The following CPNE4 variants were observed in gnomAD, a reference collection of about 807,000 sequenced individuals.
CPNE4 encodes copine-4.
CPNE4 carries 25 observed loss-of-function variants against 67.9 expected under a neutral mutation model. The observed-to-expected ratio is 0.37, with a 90% CI of 0.27 to 0.51. The LOEUF is 0.51. CPNE4 is among the 20% of genes least tolerant of loss of function. The pLI, the probability that CPNE4 is intolerant of heterozygous loss-of-function variation, is 0.93. For synonymous variants in CPNE4, 242 were observed against 244.9 expected (o/e 0.99, Z 0.11); for missense variants, 464 against 690.8 (o/e 0.67, Z 3.68).
chr3:131,999,733 T>C (rs1347779779), intron 1 of CPNE4, among the ~76,000 whole-genome samples: 3 of 151,972 alleles, frequency 2.0e-5, no homozygotes, highest in Non-Finnish European at 4.4e-5. Flanking sequence ...GTTTAAAGGA[T>C]TACTGTAAAA....
intron 1 of CPNE4, among the ~76,000 whole-genome samples, chr3:131,976,123 C>T (rs183606046): frequency 3.4e-4 from 49 of 143,052 alleles, no homozygotes; most frequent in Middle Eastern, 3.8e-3. Flanking sequence ...ATTCTTTTCT[C>T]CCTCCCTCAA....
At chr3:131,738,818 A>G (rs770234188) in intron 2 of CPNE4, among the ~76,000 whole-genome samples, 4 of 151,614 alleles carry the variant, frequency 2.6e-5, no homozygotes, top group African/African-American at 7.3e-5. Flanking sequence ...CAAACAAAAC[A>G]TAATATGTAC....
intron 2 of CPNE4, among the ~76,000 whole-genome samples, chr3:131,793,720 G>T (rs1293570987): frequency 1.3e-5 from 2 of 152,220 alleles, no homozygotes; most frequent in African/African-American, 2.4e-5. Context: ...TGGCACATTG[G>T]CTGGCTCCTT....
intron 7 of CPNE4, among the ~76,000 whole-genome samples, chr3:131,646,182 A>G (rs1259089558): frequency 6.6e-6 from 1 of 152,198 alleles, no homozygotes; most frequent in Non-Finnish European, 1.5e-5. Flanking sequence ...CTTTTAAAAC[A>G]TACAATGTAC....
At chr3:131,924,363 C>T (rs1316565584) in intron 1 of CPNE4, among the ~76,000 whole-genome samples, 1 of 152,164 alleles carries the variant, frequency 6.6e-6, no homozygotes, top group Non-Finnish European at 1.5e-5. Flanking sequence ...AGCTCAAGCA[C>T]TTCACCAAAT....
At chr3:131,662,033 G>C (rs976169914) in intron 7 of CPNE4, among the ~76,000 whole-genome samples, 20 of 152,100 alleles carry the variant, frequency 1.3e-4, no homozygotes, top group Non-Finnish European at 2.6e-4. Flanking sequence ...GTTGGAACTT[G>C]TCTTTTCCTT....
chr3:131,535,277 A>G lies in CPNE4; in HGVS notation c.1592T>C (p.Val531Ala). Reference sequence around the variant, plus strand: ...TCCTTTGCCATTGTAATAGTCCACAACTTGGTTTGGGACTTCAGCCAGCAC... The same window carrying G: ...TCCTTTGCCATTGTAATAGTCCACAGCTTGGTTTGGGACTTCAGCCAGCAC... ...KSVLAEVPNQVVDYYNGKGIK... is the reference protein window; with the variant it reads ...KSVLAEVPNQAVDYYNGKGIK... The change falls in exon 16 of 16, where the codon GTT (valine) becomes GCT (alanine). Residue 531 changes from valine to alanine, a missense_variant. Transcript: ENST00000429747. 1 of 1,613,958 alleles carries G rather than the reference A, an allele frequency of 6.2e-7. No individual in the cohort carries two copies. Among genetic ancestry groups the G allele is most frequent in the Non-Finnish European group, 8.5e-7 (1 of 1,180,002 alleles).
intron 2 of CPNE4, among the ~76,000 whole-genome samples, chr3:131,895,943 C>T (rs1583418336): frequency 1.3e-5 from 2 of 151,916 alleles, no homozygotes; most frequent in African/African-American, 2.4e-5. Context: ...ATCTAATCCC[C>T]GGCCAGGGGA....
chr3:131,607,651 T>C (rs12634904), intron 7 of CPNE4, among the ~76,000 whole-genome samples: 2,945 of 152,248 alleles, frequency 0.019, 37 homozygotes, highest in East Asian at 0.043. Context: ...AATGTATTAA[T>C]CCATATAGTG....
chr3:131,911,194 T>C (rs899954563), intron 1 of CPNE4, among the ~76,000 whole-genome samples: 7 of 152,154 alleles, frequency 4.6e-5, no homozygotes, highest in Non-Finnish European at 7.3e-5. Context: ...GAAGTGGCCA[T>C]GTTGGGAGGC....
At chr3:131,719,410 T>A (rs191490053) in intron 3 of CPNE4, among the ~76,000 whole-genome samples, 9 of 152,364 alleles carry the variant, frequency 5.9e-5, no homozygotes, top group Admixed American at 2.0e-4. Context: ...ATAAGTTCTT[T>A]CAAAAGTACC....
intron 2 of CPNE4, among the ~76,000 whole-genome samples, chr3:131,885,647 C>T (rs950196927): frequency 2.0e-5 from 3 of 151,976 alleles, no homozygotes; most frequent in Admixed American, 6.6e-5. Flanking sequence ...CCCACTAACT[C>T]GTCATCTAGC....
At chr3:131,934,608 C>T (rs1317311189) in intron 1 of CPNE4, among the ~76,000 whole-genome samples, 1 of 152,120 alleles carries the variant, frequency 6.6e-6, no homozygotes, top group African/African-American at 2.4e-5. Context: ...GTTCCCCTCC[C>T]TGTGTCTATG....
At chr3:131,569,905 GAAA>G (rs1019441042) in intron 10 of CPNE4, among the ~76,000 whole-genome samples, 2 of 151,610 alleles carry the variant, frequency 1.3e-5, no homozygotes, top group Non-Finnish European at 2.9e-5. Flanking sequence ...AAATTAATAA[GAAA>G]AAAATATCAC....
At chr3:131,583,547 G>T (rs886852939) in intron 8 of CPNE4, among the ~76,000 whole-genome samples, 3 of 152,134 alleles carry the variant, frequency 2.0e-5, no homozygotes, top group Non-Finnish European at 2.9e-5. Flanking sequence ...TTGAGTTAAA[G>T]ATTTTGAATT....
chr3:131,548,898 A>G (rs1462913407), intron 14 of CPNE4, among the ~76,000 whole-genome samples: 1 of 152,180 alleles, frequency 6.6e-6, no homozygotes, highest in Non-Finnish European at 1.5e-5. Context: ...TGGAGTGCAG[A>G]TTATAAGTGG....
intron 7 of CPNE4, among the ~76,000 whole-genome samples, chr3:131,600,097 G>A (rs1036472979): frequency 4.6e-5 from 7 of 152,090 alleles, no homozygotes; most frequent in Non-Finnish European, 8.8e-5. Context: ...ACCAGCATCT[G>A]GGATGTCCAG....
intron 1 of CPNE4, among the ~76,000 whole-genome samples, chr3:132,004,463 AAGAC>A (rs1397782685): frequency 6.6e-6 from 1 of 152,106 alleles, no homozygotes; most frequent in African/African-American, 2.4e-5. Context: ...AATTTTCAGA[AAGAC>A]AGAGAAATTT....
intron 2 of CPNE4, among the ~76,000 whole-genome samples, chr3:131,840,784 A>C (rs2108017527): frequency 6.6e-6 from 1 of 152,344 alleles, no homozygotes; most frequent in East Asian, 1.9e-4. Flanking sequence ...TAGTTATATA[A>C]ACAGGCATTC....
Sources: allele counts gnomAD v4.1 joint callset (sites outside exome capture counted in the v4.1 genomes callset), GRCh38; gene constraint gnomAD v4.1.1; transcripts MANE v1.5; gene names NCBI Gene and HGNC (gene_info 2026-07-23, HGNC 2026-07-21).